ATG3: variants seen among roughly 807,000 people sequenced by gnomAD.
ATG3 encodes autophagy related 3.
A neutral mutation model predicts 50.7 loss-of-function variants in ATG3; 25 were observed. The observed-to-expected ratio is 0.49, with a 90% CI of 0.36 to 0.69. The LOEUF (loss-of-function observed/expected upper bound fraction) is 0.69, where lower values mean the gene tolerates loss of function less well. ATG3 is among the 30% of genes least tolerant of loss of function. The pLI, the probability that ATG3 is intolerant of heterozygous loss-of-function variation, is 0.00. For missense variants in ATG3, 281 were observed against 376.0 expected (o/e 0.75, Z 2.09); for synonymous variants, 119 against 125.5 (o/e 0.95, Z 0.34).
At chr3:112,549,483 G>A (rs1933467318) in intron 4 of ATG3, among the ~76,000 whole-genome samples, 1 of 152,010 alleles carries the variant, frequency 6.6e-6, no homozygotes, top group African/African-American at 2.4e-5. Flanking sequence ...ACCTTTTGAT[G>A]TTGTTTTTAA....
chr3:112,534,424 C>T (rs1932967402), intron 10 of ATG3, 87 bp from the exon 11 acceptor site: 1 of 1,022,444 alleles, frequency 9.8e-7, no homozygotes, highest in Non-Finnish European at 1.3e-6. Flanking sequence ...AAGAAATCGA[C>T]CCTATTACTC....
chr3:112,533,147 C>T, intron 11 of ATG3: 2 of 992,282 alleles, frequency 2.0e-6, no homozygotes, highest in Non-Finnish European at 2.4e-6. Flanking sequence ...GCAGAATAGA[C>T]TATAATGAAG....
Position 112,561,690 on chromosome 3 carries a change from AG to A in ATG3, c.-163del. ...GCGACGCGACGGGACGGGCGGGACG[AG>A]GGGGCGGGGCGGCAGGCACAGCGCG... is the stretch of plus-strand genomic sequence containing the variant. On this transcript the variant is annotated 5_prime_UTR_variant, in exon 1 of 12. Transcript: ENST00000283290. 1.5e-6 allele frequency: 1 copy of A among 675,020 alleles called. No homozygotes were observed. Among genetic ancestry groups the A allele is most frequent in the Non-Finnish European group, 2.4e-6 (1 of 418,270 alleles). 41.8% of individuals were successfully genotyped at this position (675,020 alleles called of 1,614,324 possible). A position where few individuals can be genotyped will look rare whatever the true frequency, so the allele number is the denominator to read the frequency against.
intron 5 of ATG3, 150 bp downstream of exon 5, chr3:112,548,383 T>C (rs1035108949): frequency 2.9e-6 from 2 of 683,118 alleles, no homozygotes; most frequent in Non-Finnish European, 4.8e-6. Context: ...AAGGCTTCTT[T>C]TTTAAAATTT....
intron 6 of ATG3, among the ~76,000 whole-genome samples, chr3:112,543,371 T>C (rs771036902): frequency 7.2e-5 from 11 of 152,194 alleles, no homozygotes; most frequent in Non-Finnish European, 1.2e-4. Flanking sequence ...GCTAATCTAA[T>C]ACCTACAACA....
chr3:112,545,050 G>C (rs1313098598), intron 5 of ATG3, among the ~76,000 whole-genome samples: 1 of 152,170 alleles, frequency 6.6e-6, no homozygotes, highest in African/African-American at 2.4e-5. Context: ...ACATTTATAT[G>C]TGGCTTTCTA....
chr3:112,534,284 TC>T lies in ATG3; in HGVS notation c.847del (p.Glu283AsnfsTer12). ...IIETVAEGGG[E>X]LGVHMYLLIF... is the part of the protein sequence containing the mutation. ...GGAAGGATACATATGAACTCCAAGT[TC>T]TCCCCCTCCTTCTGCAACAGTCTCA... On this transcript the variant is annotated frameshift_variant, in exon 11 of 12. Transcript: ENST00000283290. LOFTEE classifies it high-confidence loss of function. 6.3e-7 allele frequency: 1 copy of T among 1,597,898 alleles called. No individual in the cohort carries two copies. The highest frequency in any genetic ancestry group is 8.5e-7 in the Non-Finnish European group (1 of 1,172,800).
intron 2 of ATG3, among the ~76,000 whole-genome samples, chr3:112,557,306 CGT>C (rs1933714023): frequency 1.3e-5 from 2 of 151,948 alleles, no homozygotes; most frequent in South Asian, 4.2e-4. Flanking sequence ...GGATTACAGG[CGT>C]GAGCCACCAC....
At chr3:112,533,353 T>G in intron 11 of ATG3, 1 of 985,176 alleles carries the variant, frequency 1.0e-6, no homozygotes, top group South Asian at 4.7e-5. Flanking sequence ...TATTATGAAT[T>G]ATATATAGAC....
chr3:112,552,539 TTA>T (rs894733289), intron 3 of ATG3, among the ~76,000 whole-genome samples: 12 of 151,936 alleles, frequency 7.9e-5, no homozygotes, highest in Admixed American at 2.6e-4. Context: ...CAGAAAACGT[TTA>T]TGTTTTATAT....
intron 11 of ATG3, chr3:112,533,081 A>T (rs1559840705): frequency 2.0e-6 from 2 of 1,020,112 alleles, no homozygotes; most frequent in Non-Finnish European, 2.3e-6. Flanking sequence ...ATGAGTACAA[A>T]ATGTACTCAT....
At chr3:112,556,719 A>G (rs1262601617) in intron 2 of ATG3, among the ~76,000 whole-genome samples, 1 of 152,092 alleles carries the variant, frequency 6.6e-6, no homozygotes, top group African/African-American at 2.4e-5. Flanking sequence ...TTGATCTGTG[A>G]CCTTACCCCC....
intron 3 of ATG3, 100 bp from the exon 4 acceptor site, chr3:112,550,362 T>C (rs1933496092): frequency 1.0e-6 from 1 of 974,098 alleles, no homozygotes. Context: ...ATATAATCCA[T>C]AATTCTCAGA....
At chr3:112,536,727 C>G in intron 9 of ATG3, 125 bp from the exon 10 acceptor site, 1 of 957,400 alleles carries the variant, frequency 1.0e-6, no homozygotes, top group African/African-American at 1.7e-5. Flanking sequence ...CGAGACCATC[C>G]TGGCTAACAT....
chr3:112,538,711 A>C (rs913248890), intron 7 of ATG3, among the ~76,000 whole-genome samples: 1 of 152,204 alleles, frequency 6.6e-6, no homozygotes, highest in Non-Finnish European at 1.5e-5. Flanking sequence ...CCAAGGGCTC[A>C]GTTTCTGGAC....
intron 2 of ATG3, among the ~76,000 whole-genome samples, chr3:112,555,045 T>A (rs1933628079): frequency 6.6e-6 from 1 of 152,190 alleles, no homozygotes; most frequent in African/African-American, 2.4e-5. Flanking sequence ...TTTATTACCA[T>A]TAAAAGTAAT....
intron 11 of ATG3, 81 bp downstream of exon 11, chr3:112,534,188 C>T (rs1375364804): frequency 6.4e-7 from 1 of 1,552,624 alleles, no homozygotes; most frequent in Admixed American, 2.1e-5. Context: ...GCTACTGTAT[C>T]ATTAAGGTTA....
rs772537449 is a variant in ATG3, at chr3:112,548,567, A to C, written c.309T>G (p.Gly103=). Reference sequence around the variant, plus strand: ...GATATGTATCTACCCATCCGCCATCACCATCATCTTCTTCAATGATAGCTT... The same window carrying C: ...GATATGTATCTACCCATCCGCCATCCCCATCATCTTCTTCAATGATAGCTT... ...ELEAIIEEDD[G]DGGWVDTYHN... is the part of the protein sequence containing the mutation. The change falls in exon 5 of 12, where the codon GGT becomes GGG. Residue 103 remains glycine, a synonymous_variant. Transcript: ENST00000283290. 3 of 1,613,902 alleles carry C rather than the reference A, an allele frequency of 1.9e-6. No homozygotes were observed. The highest frequency in any genetic ancestry group is 2.5e-6 in the Non-Finnish European group (3 of 1,179,876).
At chr3:112,553,761 G>A (rs1462132682) in intron 2 of ATG3, among the ~76,000 whole-genome samples, 6 of 151,904 alleles carry the variant, frequency 3.9e-5, no homozygotes, top group African/African-American at 9.7e-5. Flanking sequence ...TTACTAAATA[G>A]ATACAAGTCT....
Sources: gnomAD v4.1 joint callset for allele counts (sites outside exome capture counted in the v4.1 genomes callset) on GRCh38, gnomAD v4.1.1 for gene constraint, MANE v1.5 for transcripts, NCBI Gene and HGNC (gene_info 2026-07-23, HGNC 2026-07-21) for gene names.